Variants in CFLAR observed in about 807,000 individuals in gnomAD.
The protein encoded by CFLAR is CASP8 and FADD like apoptosis regulator.
In CFLAR, 14 loss-of-function variants were observed where a neutral mutation model predicts 51.1. That is an observed-to-expected ratio of 0.27 (90% CI 0.18 to 0.43). CFLAR has a LOEUF of 0.43. Ranked by LOEUF, CFLAR falls within the 20% of genes least tolerant of loss-of-function variation. CFLAR has a pLI of 1.00. For missense variants in CFLAR, 390 were observed against 566.5 expected (o/e 0.69, Z 3.16); for synonymous variants, 210 against 211.6 (o/e 0.99, Z 0.06).
At chr2:201,161,526 G>A (rs1367555413) in intron 9 of CFLAR, among the ~76,000 whole-genome samples, 1 of 150,412 alleles carries the variant, frequency 6.6e-6, no homozygotes, top group African/African-American at 2.4e-5. Flanking sequence ...CAGTTGTCCT[G>A]CCTCACCCTC....
At chr2:201,154,916 A>G (rs1941903011) in intron 8 of CFLAR, among the ~76,000 whole-genome samples, 1 of 152,268 alleles carries the variant, frequency 6.6e-6, no homozygotes, top group South Asian at 2.1e-4. Flanking sequence ...TGCATGAAAT[A>G]AGGTTATTCT....
At chr2:201,125,808 T>G (rs574092056) in intron 1 of CFLAR, among the ~76,000 whole-genome samples, 2 of 152,166 alleles carry the variant, frequency 1.3e-5, no homozygotes, top group South Asian at 4.2e-4. Context: ...GTTTTCAGAT[T>G]GTGTTATCTC....
chr2:201,125,624 G>C (rs1295565438), intron 1 of CFLAR, among the ~76,000 whole-genome samples: 1 of 152,062 alleles, frequency 6.6e-6, no homozygotes, highest in Non-Finnish European at 1.5e-5. Context: ...ATACATGGAT[G>C]AGAAATGGCA....
At position 201,118,580 on chromosome 2, in the gene CFLAR, C is replaced by G. The variant is rs963426534; in HGVS notation, c.-138+2099C>G. On this transcript the variant is annotated intron_variant, in intron 1 of 9. Transcript: ENST00000309955. The surrounding 1 kb of genome is among the most constrained non-coding windows in gnomAD (Gnocchi z 5.1). ...TGGAGAATTTTACCACCCAGAGACA[C>G]GCGAGTGGCCCTGTGCAAGTTTCAA... 2 of 152,316 alleles carry G rather than the reference C, an allele frequency of 1.3e-5. No homozygotes were observed. Among genetic ancestry groups the G allele is most frequent in the Admixed American group, 6.5e-5 (1 of 15,288 alleles). The allele number at this position is 152,316 out of a possible 1,614,324, so 9.4% of individuals were successfully genotyped here.
rs1413502160 is a variant in CFLAR at position 201,165,660 on chromosome 2, T to C, written c.*1687T>C. ...ATTTGGCAGGGTCACAGGACAATAG[T>C]GGAGGGAAGGTCAGCAGATAAACAA... On this transcript the variant is annotated 3_prime_UTR_variant, in exon 10 of 10. Transcript: ENST00000309955. 1 of 154,770 alleles carries C rather than the reference T, an allele frequency of 6.5e-6. No individual in the cohort carries two copies. Among genetic ancestry groups the C allele is most frequent in the Non-Finnish European group, 1.4e-5 (1 of 70,170 alleles). The allele number at this position is 154,770 out of a possible 1,614,324, so 9.6% of individuals were successfully genotyped here. A position where few individuals can be genotyped will look rare whatever the true frequency, so the allele number is the denominator to read the frequency against.
At chr2:201,159,121 G>T (rs987816888) in intron 8 of CFLAR, among the ~76,000 whole-genome samples, 1 of 151,798 alleles carries the variant, frequency 6.6e-6, no homozygotes, top group East Asian at 1.9e-4. Flanking sequence ...CAGGTGATCT[G>T]CCCGTCTCGG....
chr2:201,169,287 G>A lies in CFLAR; in HGVS notation c.*5314G>A, dbSNP rs1943865926. 1 of 152,106 alleles carries A rather than the reference G, an allele frequency of 6.6e-6. No homozygotes were observed. The highest frequency in any genetic ancestry group is 2.1e-4 in the South Asian group (1 of 4,822). 9.4% of individuals were successfully genotyped at this position (152,106 alleles called of 1,614,324 possible). On this transcript the variant is annotated 3_prime_UTR_variant, in exon 10 of 10. Transcript: ENST00000309955. ...ACACATAGACCAATGGAACAGAATA[G>A]AGACCAGAGAAAGAAGACCACACAT...
At chr2:201,136,438 C>G (rs773619702) in intron 4 of CFLAR, 2 of 1,598,138 alleles carry the variant, frequency 1.3e-6, no homozygotes, top group Non-Finnish European at 1.7e-6. Context: ...ACCCTACTGC[C>G]TTGCTCTGGT....
rs35648857 is a variant in CFLAR at position 201,132,430 on chromosome 2, A to AATATAT, written c.282-579_282-574dup. On this transcript the variant is annotated intron_variant, in intron 2 of 9. Coordinates refer to ENST00000309955, the MANE Select transcript of CFLAR (RefSeq NM_003879.7). Reference sequence around the variant, plus strand: ...AAAGTCTATTTCCTAGGGGGGGAAAAATATATATATATATATATATATATA... The same window carrying AATATAT: ...AAAGTCTATTTCCTAGGGGGGGAAAAATATATATATATATATATATATATATATATA... Among the ~76,000 whole-genome samples the AATATAT allele has an allele frequency of 9.1e-3, 1,256 of 137,930 alleles. 6 individuals are homozygous for AATATAT. The highest frequency in any genetic ancestry group is 0.016 in the African/African-American group (590 of 36,360). The allele number at this position is 137,930 out of a possible 152,430, so 90.5% of individuals were successfully genotyped here. A position where few individuals can be genotyped will look rare whatever the true frequency, so the allele number is the denominator to read the frequency against.
intron 5 of CFLAR, chr2:201,141,346 T>C (rs1365991957): frequency 6.5e-7 from 1 of 1,549,126 alleles, no homozygotes; most frequent in Non-Finnish European, 8.7e-7. Context: ...ACACATATAT[T>C]TCATTTTTGC....
Position 201,138,122 on chromosome 2 carries a change from A to G in CFLAR, c.523+2015A>G, listed in dbSNP as rs1450741757. 1.4e-5 allele frequency: 11 copies of G among 773,520 alleles called. No homozygotes were observed. Among genetic ancestry groups the G allele is most frequent in the African/African-American group, 8.5e-5 (5 of 59,006 alleles). 47.9% of individuals were successfully genotyped at this position (773,520 alleles called of 1,614,324 possible). On this transcript the variant is annotated intron_variant, in intron 4 of 9. Transcript: ENST00000309955. This position sits in a 1 kb window ranked among gnomAD's most constrained non-coding sequence, Gnocchi z 4.0. ...GCCCAGCCCATCCACACCAGCGTCAATCAGGTTGTTGGCCTGGGCTGCTGT... is the reference window on the plus strand; with the variant it reads ...GCCCAGCCCATCCACACCAGCGTCAGTCAGGTTGTTGGCCTGGGCTGCTGT...
intron 1 of CFLAR, among the ~76,000 whole-genome samples, chr2:201,120,100 CA>C (rs2048052065): frequency 7.2e-6 from 1 of 138,292 alleles, no homozygotes; most frequent in African/African-American, 2.7e-5. Context: ...TATCTCACTT[CA>C]GCCTCTAACT....
intron 4 of CFLAR, chr2:201,139,987 G>A (rs6759216): frequency 0.17 from 47,303 of 274,786 alleles, 5,101 homozygotes; most frequent in African/African-American, 0.33. Context: ...ACCCGTCCTC[G>A]ACCACGTAGC....
In CFLAR at chr2:201,138,273, T is replaced by TAGGC; in HGVS notation, c.524-2084_524-2083insAGGC. The TAGGC allele has an allele frequency of 1.2e-6, 1 of 801,036 alleles. No individual in the cohort carries two copies. The highest frequency in any genetic ancestry group is 1.3e-5 in the South Asian group (1 of 74,994). The allele number at this position is 801,036 out of a possible 1,614,324, so 49.6% of individuals were successfully genotyped here. On this transcript the variant is annotated intron_variant, in intron 4 of 9. Transcript: ENST00000309955. The surrounding 1 kb of genome is among the most constrained non-coding windows in gnomAD (Gnocchi z 4.0). The stretch of plus-strand genomic sequence containing the variant: ...CCTATGACATTGACGCCTACCTGGG[T>TAGGC]GAGCAGGTCCAGGTGGTATTTGTCA...
intron 4 of CFLAR, chr2:201,137,595 T>C: frequency 1.3e-6 from 1 of 746,604 alleles, no homozygotes; most frequent in Non-Finnish European, 2.5e-6. Flanking sequence ...CTTCTCAAAC[T>C]TGAGCTCCCC....
intron 1 of CFLAR, among the ~76,000 whole-genome samples, chr2:201,121,785 T>C (rs1257065519): frequency 6.6e-6 from 1 of 152,222 alleles, no homozygotes; most frequent in Admixed American, 6.5e-5. Context: ...CTTGTCTAGA[T>C]GAACTTAAGA....
At chr2:201,142,292 T>TTA (rs1180957244) in intron 5 of CFLAR, among the ~76,000 whole-genome samples, 98 of 137,342 alleles carry the variant, frequency 7.1e-4, no homozygotes, top group African/African-American at 1.8e-3. Flanking sequence ...AAAAAAAATA[T>TTA]TATATATATA....
chr2:201,129,523 A>C, intron 1 of CFLAR: 1 of 400,218 alleles, frequency 2.5e-6, no homozygotes, highest in Non-Finnish European at 4.4e-6. Context: ...TTTACAATGT[A>C]GGTTTTCTTC....
intron 6 of CFLAR, among the ~76,000 whole-genome samples, chr2:201,148,019 G>T (rs1940578396): frequency 6.6e-6 from 1 of 152,134 alleles, no homozygotes; most frequent in African/African-American, 2.4e-5. Flanking sequence ...AACTGAGATA[G>T]ATATATCACA....
Sources: gnomAD v4.1 joint callset for allele counts (sites outside exome capture counted in the v4.1 genomes callset) on GRCh38, gnomAD v4.1.1 for gene constraint, Gnocchi (gnomAD v3.1) non-coding constraint, MANE v1.5 for transcripts, NCBI Gene and HGNC (gene_info 2026-07-23, HGNC 2026-07-21) for gene names.